Variants in CLCA4 observed in about 807,000 individuals in gnomAD.
CLCA4 encodes the protein calcium-activated chloride channel regulator 4.
In CLCA4, 69 loss-of-function variants were observed where a neutral mutation model predicts 78.9. The observed-to-expected ratio is 0.87, with a 90% CI of 0.72 to 1.07. The LOEUF (loss-of-function observed/expected upper bound fraction) is 1.07. CLCA4 is among the 50% of genes least tolerant of loss of function. The probability of loss-of-function intolerance (pLI) is 0.00; values close to 1 mark genes in which losing one functional copy is unlikely to be tolerated. For synonymous variants in CLCA4, 362 were observed against 375.8 expected, an observed-to-expected ratio of 0.96 and a Z score of 0.42; for missense variants, 1,133 against 1,095.8, an observed-to-expected ratio of 1.03 and a Z score of -0.48.
At chr1:86,558,743 C>T (rs1220162979) in intron 1 of CLCA4, among the ~76,000 whole-genome samples, 1 of 152,092 alleles carries the variant, frequency 6.6e-6, no homozygotes, top group Non-Finnish European at 1.5e-5. Flanking sequence ...ATCATGAGAA[C>T]AGGATGGGGA....
In CLCA4 at chr1:86,565,358, T is replaced by C. The variant is rs759776397; in HGVS notation, c.642T>C (p.Ser214=). Residue 214 remains serine (S), a synonymous_variant, in exon 5 of 14, where the codon TCT becomes TCC. Coordinates refer to ENST00000370563, the MANE Select transcript of CLCA4 (RefSeq NM_012128.4). ...SCLSRACRID[S]TTKLYGKDCQ... is the part of the protein sequence containing the mutation. ...TTAGTAGAGCATGCAGAATTGATTC[T>C]ACAACAAAACTGTATGGAAAAGATT... 8.2e-5 allele frequency: 132 copies of C among 1,609,416 alleles called. 1 individual carries two copies. Among genetic ancestry groups the C allele is most frequent in the Non-Finnish European group, 4.2e-6 (5 of 1,176,482 alleles).
chr1:86,553,419 A>G lies in CLCA4; in HGVS notation c.159+6141A>G, dbSNP rs892739585. The stretch of plus-strand genomic sequence containing the variant: ...ACGAAGGCCACAGAAGAGGCGAGGC[A>G]GCAGAGATCCTCTATTCCAGCAAGC... On this transcript the variant is annotated intron_variant, in intron 1 of 13. Transcript: ENST00000370563. 1.5e-5 allele frequency: 6 copies of G among 408,092 alleles called. No homozygotes were observed. In the Admixed American group the frequency reaches 2.1e-4, roughly 14 times the overall value. 25.3% of individuals were successfully genotyped at this position (408,092 alleles called of 1,614,324 possible). A position where few individuals can be genotyped will look rare whatever the true frequency, so the allele number is the denominator to read the frequency against.
At chr1:86,577,386 G>C (rs1650550892) in intron 11 of CLCA4, among the ~76,000 whole-genome samples, 1 of 152,052 alleles carries the variant, frequency 6.6e-6, no homozygotes, top group Non-Finnish European at 1.5e-5. Context: ...AGAATGCTGG[G>C]ACCTTTCCCT....
Position 86,580,364 on chromosome 1 carries a change from A to T in CLCA4, c.*19A>T, listed in dbSNP as rs1416800946. 6.5e-7 allele frequency: 1 copy of T among 1,537,002 alleles called. No homozygotes were observed. The highest frequency in any genetic ancestry group is 2.3e-5 in the East Asian group (1 of 44,312). On this transcript the variant is annotated 3_prime_UTR_variant, in exon 14 of 14. Coordinates refer to ENST00000370563, the MANE Select transcript of CLCA4 (RefSeq NM_012128.4). ...CATTTGAACCTTAACGAAGAAAAAA[A>T]TCTTCAAGTAGACCTAGAAGAGAGT...
At chr1:86,561,317 G>A (rs1650009678) in intron 3 of CLCA4, among the ~76,000 whole-genome samples, 1 of 152,152 alleles carries the variant, frequency 6.6e-6, no homozygotes. Flanking sequence ...TCAACTACAA[G>A]TATAAATAGC....
chr1:86,568,910 T>C (rs564319754), intron 7 of CLCA4, among the ~76,000 whole-genome samples: 1 of 152,150 alleles, frequency 6.6e-6, no homozygotes, highest in East Asian at 1.9e-4. Context: ...TGCATTCACA[T>C]TGCGATTGTC....
intron 1 of CLCA4, chr1:86,553,276 C>T (rs1258487164): frequency 2.6e-6 from 2 of 781,238 alleles, no homozygotes; most frequent in Non-Finnish European, 2.2e-6. Flanking sequence ...GTCTTCAAGC[C>T]GGCCAGGGCT....
intron 2 of CLCA4, 66 bp downstream of exon 2, chr1:86,560,138 A>AT: frequency 1.3e-6 from 2 of 1,560,042 alleles, no homozygotes; most frequent in Non-Finnish European, 1.7e-6. Context: ...GCCACAAATT[A>AT]TTTAAGAGTC....
At position 86,580,657 on chromosome 1, in the gene CLCA4, G is replaced by T. The variant is rs1650691601; in HGVS notation, c.*312G>T. 9.5e-6 allele frequency: 2 copies of T among 209,622 alleles called. No individual in the cohort carries two copies. Among genetic ancestry groups the T allele is most frequent in the Admixed American group, 1.2e-4 (2 of 17,222 alleles). 13.0% of individuals were successfully genotyped at this position (209,622 alleles called of 1,614,324 possible). A position where few individuals can be genotyped will look rare whatever the true frequency, so the allele number is the denominator to read the frequency against. On this transcript the variant is annotated 3_prime_UTR_variant, in exon 14 of 14. Transcript: ENST00000370563. ...ATATTATTTGATGCAACAGTTTTCT[G>T]AAATGATATTTCAAATTGCATCAAG...
chr1:86,551,458 A>G (rs931532486), intron 1 of CLCA4, among the ~76,000 whole-genome samples: 3 of 152,168 alleles, frequency 2.0e-5, no homozygotes, highest in Admixed American at 2.0e-4. Context: ...GAAACACAAG[A>G]GGGGTGAGGC....
Position 86,556,247 on chromosome 1 carries a change from G to C in CLCA4, c.160-3685G>C, listed in dbSNP as rs144229625. ...AGGACTTCCAATATTAAGTTGAATA[G>C]GAGTGGTGAGAGACAGCATCCTTGT... On this transcript the variant is annotated intron_variant, in intron 1 of 13. Coordinates refer to ENST00000370563, the MANE Select transcript of CLCA4 (RefSeq NM_012128.4). Among the ~76,000 whole-genome samples, 83 of 152,294 alleles carry C rather than the reference G, an allele frequency of 5.4e-4. 2 individuals are homozygous for C. In the East Asian group the frequency reaches 0.011, roughly 21 times the overall value.
intron 1 of CLCA4, among the ~76,000 whole-genome samples, chr1:86,556,616 T>C (rs1649854787): frequency 6.6e-6 from 1 of 152,190 alleles, no homozygotes; most frequent in Non-Finnish European, 1.5e-5. Flanking sequence ...TTTGCATCAA[T>C]GTTCATAAAG....
Position 86,579,423 on chromosome 1 carries a change from G to A in CLCA4, c.2192G>A (p.Ser731Asn). 1 of 1,613,312 alleles carries A rather than the reference G, an allele frequency of 6.2e-7. No homozygotes were observed. Among genetic ancestry groups the A allele is most frequent in the Non-Finnish European group, 8.5e-7 (1 of 1,179,534 alleles). ...ACTCAGACCACCTTGGAGGATTTCA[G>A]CCGAACAGCATCCGGAGGTGCATTT... Reference protein sequence around the residue: ...EDTQTTLEDFSRTASGGAFVV... With the variant: ...EDTQTTLEDFNRTASGGAFVV... The change falls in exon 13 of 14, where the codon AGC becomes AAC. Residue 731 changes from serine to asparagine, a missense_variant. Transcript: ENST00000370563.
chr1:86,553,220 G>T (rs758542115), intron 1 of CLCA4: 10 of 1,169,456 alleles, frequency 8.6e-6, no homozygotes, highest in Non-Finnish European at 1.3e-5. Context: ...GCTTCACCAG[G>T]GACATGTCCA....
chr1:86,574,441 T>G, intron 9 of CLCA4, 99 bp from the exon 10 acceptor site: 1 of 909,664 alleles, frequency 1.1e-6, no homozygotes, highest in Non-Finnish European at 1.7e-6. Context: ...GGTCTGCCAT[T>G]TATAAGCTTG....
At chr1:86,553,084 C>A in intron 1 of CLCA4, 1 of 703,538 alleles carries the variant, frequency 1.4e-6, no homozygotes, top group South Asian at 1.7e-5. Flanking sequence ...CAGCGGCGCC[C>A]ACCCTGCAGC....
chr1:86,548,481 G>T (rs1183362277), intron 1 of CLCA4, among the ~76,000 whole-genome samples: 1 of 151,898 alleles, frequency 6.6e-6, no homozygotes, highest in Non-Finnish European at 1.5e-5. Flanking sequence ...AGGATTTCGA[G>T]ACCAGGCTGG....
chr1:86,562,680 C>A (rs918550801), intron 3 of CLCA4, among the ~76,000 whole-genome samples: 3 of 151,760 alleles, frequency 2.0e-5, no homozygotes, highest in African/African-American at 4.8e-5. Flanking sequence ...TGGTGAAACC[C>A]CATCTCTACG....
In CLCA4 at chr1:86,565,450, C is replaced by CTT. The variant is rs758374931; in HGVS notation, c.735_735+1insTT (p.Val246LeufsTer21). ...ATAATGTTTATGCAAAGTATTGATT[C>CTT]TGTAAGTATGCTGATAATTGCTTCC... On this transcript the variant is annotated frameshift_variant and splice_region_variant, in exon 5 of 14. Transcript: ENST00000370563. LOFTEE classifies it high-confidence loss of function. 2.0e-5 allele frequency: 31 copies of CTT among 1,572,796 alleles called. 1 individual carries two copies. Among genetic ancestry groups the CTT allele is most frequent in the Non-Finnish European group, 2.5e-5 (29 of 1,157,548 alleles).
Sources: allele counts gnomAD v4.1 joint callset (sites outside exome capture counted in the v4.1 genomes callset), GRCh38; gene constraint gnomAD v4.1.1; transcripts MANE v1.5; gene names NCBI Gene and HGNC (gene_info 2026-07-23, HGNC 2026-07-21).